PDE6G: variants seen among roughly 807,000 people sequenced by gnomAD.
PDE6G encodes the protein rod cGMP 3',5'-cyclic phosphodiesterase subunit gamma.
A neutral mutation model predicts 10.9 loss-of-function variants in PDE6G; 10 were observed. That is an observed-to-expected ratio of 0.91 (90% CI 0.56 to 1.55). The LOEUF (loss-of-function observed/expected upper bound fraction) is 1.55, where lower values mean the gene tolerates loss of function less well. Ranked by LOEUF, PDE6G falls within the 40% of genes most tolerant of loss-of-function variation. The probability of loss-of-function intolerance (pLI) is 0.00; values close to 1 mark genes in which losing one functional copy is unlikely to be tolerated. For missense variants in PDE6G, 102 were observed against 110.1 expected, an observed-to-expected ratio of 0.93 and a Z score of 0.33; for synonymous variants, 41 against 42.8, an observed-to-expected ratio of 0.96 and a Z score of 0.16.
intron 1 of PDE6G, among the ~76,000 whole-genome samples, chr17:81,655,391 G>T (rs904108855): frequency 2.6e-5 from 4 of 152,222 alleles, no homozygotes; most frequent in African/African-American, 7.2e-5. Context: ...GAATCACCAG[G>T]CCCTCTCTGT....
upstream of PDE6G, chr17:81,656,621 T>A (rs771714088): frequency 1.4e-6 from 1 of 721,012 alleles, no homozygotes; most frequent in Non-Finnish European, 2.5e-6. Flanking sequence ...CTAATGAGAT[T>A]GTTGGGCCCC....
upstream of PDE6G, among the ~76,000 whole-genome samples, chr17:81,660,934 T>G (rs140636732): frequency 1.9e-3 from 290 of 151,476 alleles, 1 homozygote; most frequent in African/African-American, 6.8e-3. Context: ...GATTGTTTTG[T>G]TTTTAGAGAC....
Position 81,650,500 on chromosome 17 carries a change from G to A in PDE6G, c.*574C>T, listed in dbSNP as rs1239450442. The stretch of plus-strand genomic sequence containing the variant: ...TTTTATTTTGAAATAGGGACTGCAA[G>A]GGCAGGCTGTATTGAGAAGGATGGC... On this transcript the variant is annotated 3_prime_UTR_variant, in exon 4 of 4. Transcript: ENST00000331056. The A allele has an allele frequency of 8.8e-6, 4 of 453,386 alleles. No individual in the cohort carries two copies. The highest frequency in any genetic ancestry group is 6.0e-5 in the African/African-American group (3 of 50,000). 28.1% of individuals were successfully genotyped at this position (453,386 alleles called of 1,614,324 possible).
chr17:81,662,375 C>T (rs1186141876), intron 1 of PDE6G, among the ~76,000 whole-genome samples: 1 of 152,146 alleles, frequency 6.6e-6, no homozygotes, highest in African/African-American at 2.4e-5. Flanking sequence ...GTAATCCTAG[C>T]ACTTCAGGAG....
In PDE6G at chr17:81,651,948, G is replaced by T. The variant is rs1320916954; in HGVS notation, c.147-263C>A. The stretch of plus-strand genomic sequence containing the variant: ...GTGCAAGTCCCAGGATGCTGGGCAG[G>T]TGCGTGCCCTGGGGGAGTACGGGGG... On this transcript the variant is annotated intron_variant, in intron 2 of 3. Coordinates refer to ENST00000331056, the MANE Select transcript of PDE6G (RefSeq NM_002602.4). The surrounding 1 kb of genome is among the most constrained non-coding windows in gnomAD (Gnocchi z 4.8). Among the ~76,000 whole-genome samples, 1 of 152,216 alleles carries T rather than the reference G, an allele frequency of 6.6e-6. No homozygotes were observed. The highest frequency in any genetic ancestry group is 1.5e-5 in the Non-Finnish European group (1 of 68,026).
chr17:81,650,669 C>T lies in PDE6G; in HGVS notation c.*405G>A, dbSNP rs373040310. The T allele has an allele frequency of 8.2e-4, 374 of 456,838 alleles. 5 individuals carry two copies. The highest frequency in any genetic ancestry group is 5.7e-3 in the South Asian group (370 of 64,496). 28.3% of individuals were successfully genotyped at this position (456,838 alleles called of 1,614,324 possible). A position where few individuals can be genotyped will look rare whatever the true frequency, so the allele number is the denominator to read the frequency against. On this transcript the variant is annotated 3_prime_UTR_variant, in exon 4 of 4. Coordinates refer to ENST00000331056, the MANE Select transcript of PDE6G (RefSeq NM_002602.4). ...TCTCTGTATCCCCTTACAGGCAGGA[C>T]AGGGGGCTGGGGTGCAGAAGCACTC...
Position 81,656,522 on chromosome 17 carries a change from G to A in PDE6G, c.-89C>T. On this transcript the variant is annotated 5_prime_UTR_variant, in exon 1 of 4. Coordinates refer to ENST00000331056, the MANE Select transcript of PDE6G (RefSeq NM_002602.4). ...TGCAGGGCGGGTCTCAGGGGGCTGT[G>A]CTGTGAGTGCTGGGCCTCCCTCCGC... 1 of 764,004 alleles carries A rather than the reference G, an allele frequency of 1.3e-6. No individual in the cohort carries two copies. The highest frequency in any genetic ancestry group is 1.3e-5 in the South Asian group (1 of 74,228). 47.3% of individuals were successfully genotyped at this position (764,004 alleles called of 1,614,324 possible). A position where few individuals can be genotyped will look rare whatever the true frequency, so the allele number is the denominator to read the frequency against.
upstream of PDE6G, among the ~76,000 whole-genome samples, chr17:81,658,456 G>A (rs1008842094): frequency 6.6e-5 from 10 of 152,024 alleles, no homozygotes; most frequent in African/African-American, 1.9e-4. Flanking sequence ...CTAGGAGCTC[G>A]AGGCTGCAGT....
chr17:81,662,748 C>CA (rs1416186352), intron 1 of PDE6G, among the ~76,000 whole-genome samples: 1 of 152,172 alleles, frequency 6.6e-6, no homozygotes, highest in African/African-American at 2.4e-5. Context: ...CCTGCAATCC[C>CA]AGCACTTTAC....
intron 1 of PDE6G, among the ~76,000 whole-genome samples, chr17:81,654,190 C>T (rs2036412587): frequency 6.6e-6 from 1 of 152,130 alleles, no homozygotes; most frequent in Non-Finnish European, 1.5e-5. Context: ...GAGGAGCCTG[C>T]CTCTGAGCTG....
chr17:81,658,773 G>A (rs555777717), upstream of PDE6G, among the ~76,000 whole-genome samples: 9 of 152,080 alleles, frequency 5.9e-5, no homozygotes, highest in African/African-American at 1.7e-4. Context: ...CCCAGGAGGT[G>A]GAGGTTGCAG....
chr17:81,656,530 T>A lies in PDE6G; in HGVS notation c.-97A>T, dbSNP rs889067770. ...GGGTCTCAGGGGGCTGTGCTGTGAG[T>A]GCTGGGCCTCCCTCCGCAGGGTGCC... On this transcript the variant is annotated 5_prime_UTR_variant, in exon 1 of 4. Coordinates refer to ENST00000331056, the MANE Select transcript of PDE6G (RefSeq NM_002602.4). 8 of 763,846 alleles carry A rather than the reference T, an allele frequency of 1.0e-5. No individual in the cohort carries two copies. Among genetic ancestry groups the A allele is most frequent in the African/African-American group, 3.4e-5 (2 of 59,114 alleles). 47.3% of individuals were successfully genotyped at this position (763,846 alleles called of 1,614,324 possible).
At chr17:81,654,964 A>G (rs1486232300) in intron 1 of PDE6G, among the ~76,000 whole-genome samples, 5 of 145,974 alleles carry the variant, frequency 3.4e-5, no homozygotes, top group Admixed American at 1.4e-4. Flanking sequence ...TCACCATGTT[A>G]GCCAGGATGG....
intron 1 of PDE6G, among the ~76,000 whole-genome samples, chr17:81,662,228 C>T (rs1419052045): frequency 2.0e-5 from 3 of 152,110 alleles, no homozygotes; most frequent in South Asian, 2.1e-4. Flanking sequence ...ACAGGCATGT[C>T]GTCAACCTTC....
At chr17:81,652,720 C>G (rs541715708) in intron 2 of PDE6G, among the ~76,000 whole-genome samples, 9 of 152,094 alleles carry the variant, frequency 5.9e-5, no homozygotes, top group Non-Finnish European at 1.2e-4. Flanking sequence ...GGATTACAGG[C>G]GTGCACCACC....
At chr17:81,657,713 T>C (rs1245155076), upstream of PDE6G, among the ~76,000 whole-genome samples, 2 of 151,116 alleles carry the variant, frequency 1.3e-5, no homozygotes, top group Non-Finnish European at 2.9e-5. Context: ...ACCCCGACTC[T>C]ACTAAAAATA....
Position 81,651,283 on chromosome 17 carries a change from T to C in PDE6G, c.188-133A>G, listed in dbSNP as rs2036349904. ...GAGCGGGGACGTGCGGACGCTGGAG[T>C]GGGGCCCTCCTCTGGGGACACACTG... On this transcript the variant is annotated intron_variant, in intron 3 of 3. Coordinates refer to ENST00000331056, the MANE Select transcript of PDE6G (RefSeq NM_002602.4). This position sits in a 1 kb window ranked among gnomAD's most constrained non-coding sequence, Gnocchi z 4.8. The C allele has an allele frequency of 2.8e-6, 2 of 711,930 alleles. No individual in the cohort carries two copies. Among genetic ancestry groups the C allele is most frequent in the Non-Finnish European group, 2.5e-6 (1 of 399,228 alleles). 44.1% of individuals were successfully genotyped at this position (711,930 alleles called of 1,614,324 possible).
At chr17:81,661,014 C>T (rs1305226353), upstream of PDE6G, among the ~76,000 whole-genome samples, 8 of 152,172 alleles carry the variant, frequency 5.3e-5, no homozygotes, top group Non-Finnish European at 1.5e-5. Flanking sequence ...GACTTCCTGG[C>T]CCAAGTGATC....
At chr17:81,659,768 T>C (rs781027121), upstream of PDE6G, among the ~76,000 whole-genome samples, 19 of 152,254 alleles carry the variant, frequency 1.2e-4, no homozygotes, top group Non-Finnish European at 8.8e-5. Flanking sequence ...CGTAATTGCT[T>C]GGAAGTTACT....
Sources: allele counts gnomAD v4.1 joint callset (sites outside exome capture counted in the v4.1 genomes callset), GRCh38; gene constraint gnomAD v4.1.1; non-coding constraint Gnocchi (gnomAD v3.1); transcripts MANE v1.5; gene names NCBI Gene and HGNC (gene_info 2026-07-23, HGNC 2026-07-21).